Variants in SYN3 observed in about 807,000 individuals in gnomAD.
SYN3 encodes the protein synapsin III.
In SYN3, 35 loss-of-function variants were observed where a neutral mutation model predicts 65.8. The observed-to-expected ratio is 0.53, with a 90% CI of 0.41 to 0.70. The LOEUF is 0.70. Ranked by LOEUF, SYN3 falls within the 30% of genes least tolerant of loss-of-function variation. The pLI, the probability that SYN3 is intolerant of heterozygous loss-of-function variation, is 0.00. For synonymous variants in SYN3, 270 were observed against 292.9 expected, an observed-to-expected ratio of 0.92 and a Z score of 0.80; for missense variants, 680 against 749.0, an observed-to-expected ratio of 0.91 and a Z score of 1.08.
intron 3 of SYN3, among the ~76,000 whole-genome samples, chr22:32,974,594 C>T (rs994359912): frequency 3.3e-5 from 5 of 152,170 alleles, no homozygotes; most frequent in Non-Finnish European, 5.9e-5. Flanking sequence ...CTGCAACCCC[C>T]TTCCAGAGCA....
chr22:33,043,700 T>G (rs2054005526), intron 1 of SYN3, among the ~76,000 whole-genome samples: 1 of 152,186 alleles, frequency 6.6e-6, no homozygotes, highest in Admixed American at 6.5e-5. Flanking sequence ...AAAACAGAGA[T>G]AATAATTCTA....
rs1052121437 is a variant in SYN3, at chr22:32,754,469, A to G, written c.711+110446T>C. On this transcript the variant is annotated intron_variant, in intron 6 of 13. Coordinates refer to ENST00000358763, the MANE Select transcript of SYN3 (RefSeq NM_003490.4). ...ACCTGGCCTCTTTCTTTTAAAAAAA[A>G]GGACTTTGCACTTTGGTCATCCTCC... Among the ~76,000 whole-genome samples the G allele has an allele frequency of 2.0e-5, 3 of 151,802 alleles. No individual in the cohort carries two copies. In the South Asian group the frequency reaches 6.2e-4, roughly 32 times the overall value.
intron 6 of SYN3, among the ~76,000 whole-genome samples, chr22:32,788,604 T>C (rs968893375): frequency 3.3e-5 from 5 of 152,300 alleles, no homozygotes; most frequent in African/African-American, 7.2e-5. Context: ...AGTATTTACA[T>C]TGTATTAGAT....
At chr22:32,614,379 C>G (rs2059486641) in intron 6 of SYN3, among the ~76,000 whole-genome samples, 1 of 152,246 alleles carries the variant, frequency 6.6e-6, no homozygotes, top group Admixed American at 6.5e-5. Flanking sequence ...GGACAAGGGT[C>G]ACTCCAGCTC....
chr22:32,944,519 A>G (rs2051042594), intron 3 of SYN3, among the ~76,000 whole-genome samples: 1 of 152,206 alleles, frequency 6.6e-6, no homozygotes, highest in African/African-American at 2.4e-5. Context: ...ACTCTCAATA[A>G]ATTAGGTATT....
chr22:32,713,558 C>T (rs949352123), intron 6 of SYN3, among the ~76,000 whole-genome samples: 1 of 152,158 alleles, frequency 6.6e-6, no homozygotes, highest in Non-Finnish European at 1.5e-5. Flanking sequence ...CGGCTGGGCG[C>T]GGTGGCTCAC....
chr22:32,980,603 A>G, intron 3 of SYN3, 42 bp downstream of exon 3: 1 of 1,595,624 alleles, frequency 6.3e-7, no homozygotes, highest in Non-Finnish European at 8.6e-7. Flanking sequence ...CCAGCGGCAG[A>G]AAAGGTCAGT....
chr22:32,970,119 T>G (rs1176898986), intron 3 of SYN3, among the ~76,000 whole-genome samples: 1 of 152,244 alleles, frequency 6.6e-6, no homozygotes, highest in East Asian at 1.9e-4. Flanking sequence ...TAATATTTAT[T>G]AAGCACTTTC....
At chr22:33,046,572 A>G (rs1448598853) in intron 1 of SYN3, among the ~76,000 whole-genome samples, 3 of 151,274 alleles carry the variant, frequency 2.0e-5, no homozygotes, top group Admixed American at 6.6e-5. Flanking sequence ...ACAAAAAATT[A>G]GCTGGGCGAG....
chr22:32,676,481 C>A (rs1219763357), intron 6 of SYN3, among the ~76,000 whole-genome samples: 2 of 150,572 alleles, frequency 1.3e-5, no homozygotes, highest in East Asian at 3.9e-4. Context: ...CTTCTCCAGA[C>A]AAACACCAAT....
chr22:32,761,372 C>G (rs767712392), intron 6 of SYN3, among the ~76,000 whole-genome samples: 13 of 152,132 alleles, frequency 8.5e-5, no homozygotes, highest in Non-Finnish European at 5.9e-5. Context: ...AGAAGCCATG[C>G]GCGTGAGTCA....
intron 1 of SYN3, among the ~76,000 whole-genome samples, chr22:33,040,757 G>C (rs543315057): frequency 6.6e-6 from 1 of 152,104 alleles, no homozygotes; most frequent in Non-Finnish European, 1.5e-5. Context: ...TTTTATAAGC[G>C]TCTGTCATTT....
chr22:32,606,167 G>C (rs2059369305), intron 6 of SYN3, among the ~76,000 whole-genome samples: 2 of 152,154 alleles, frequency 1.3e-5, no homozygotes, highest in Admixed American at 1.3e-4. Context: ...TGGGGGCCAT[G>C]GGATGTCAAA....
chr22:32,762,880 G>C (rs1198949645), intron 6 of SYN3, among the ~76,000 whole-genome samples: 1 of 152,074 alleles, frequency 6.6e-6, no homozygotes, highest in East Asian at 1.9e-4. Flanking sequence ...ACAGGGAAGA[G>C]CTTGGTAAGC....
chr22:32,724,525 G>A (rs757223822), intron 6 of SYN3, among the ~76,000 whole-genome samples: 21 of 152,214 alleles, frequency 1.4e-4, no homozygotes, highest in Non-Finnish European at 2.2e-4. Context: ...ATGAGGGACA[G>A]TAACATTACT....
chr22:32,914,135 T>C (rs2050129028), intron 4 of SYN3, among the ~76,000 whole-genome samples: 1 of 152,184 alleles, frequency 6.6e-6, no homozygotes, highest in African/African-American at 2.4e-5. Flanking sequence ...ACTTGTCCAA[T>C]GTAAGTGACA....
intron 10 of SYN3, among the ~76,000 whole-genome samples, chr22:32,533,028 G>A (rs5998530): frequency 0.029 from 4,360 of 151,934 alleles, 217 homozygotes; most frequent in African/African-American, 0.1. Flanking sequence ...CTGTGGGACC[G>A]TGAGAGACAC....
At chr22:32,773,294 C>T (rs1308420152) in intron 6 of SYN3, among the ~76,000 whole-genome samples, 2 of 151,374 alleles carry the variant, frequency 1.3e-5, no homozygotes, top group Admixed American at 1.3e-4. Context: ...GTAGTCCCAA[C>T]TACTTGGGAG....
intron 1 of SYN3, among the ~76,000 whole-genome samples, chr22:33,017,805 T>TC (rs1250363044): frequency 1.3e-5 from 2 of 151,300 alleles, no homozygotes; most frequent in African/African-American, 4.9e-5. Flanking sequence ...ATATTTAAGA[T>TC]CATGTCATCA....
Sources: gnomAD v4.1 joint callset for allele counts (sites outside exome capture counted in the v4.1 genomes callset) on GRCh38, gnomAD v4.1.1 for gene constraint, MANE v1.5 for transcripts, NCBI Gene and HGNC (gene_info 2026-07-23, HGNC 2026-07-21) for gene names.